IMPG2: variants seen among roughly 807,000 people sequenced by gnomAD.
IMPG2 encodes the protein IPM 200.
In IMPG2, 91 loss-of-function variants were observed where a neutral mutation model predicts 129.2. That is an observed-to-expected ratio of 0.70 (90% CI 0.59 to 0.84). IMPG2 has a LOEUF of 0.84. Among genes scored for constraint, IMPG2 ranks in the 40% least tolerant of loss-of-function variants. IMPG2 has a pLI of 0.00. For missense variants in IMPG2, 1,430 were observed against 1,461.7 expected, an observed-to-expected ratio of 0.98 and a Z score of 0.35; for synonymous variants, 510 against 517.7, an observed-to-expected ratio of 0.99 and a Z score of 0.20.
At chr3:101,275,528 G>A in intron 6 of IMPG2, 135 bp downstream of exon 6, 1 of 708,828 alleles carries the variant, frequency 1.4e-6, no homozygotes, top group Non-Finnish European at 2.5e-6. Flanking sequence ...TTAATGTACT[G>A]GTTTTAGGAT....
At chr3:101,286,274 T>C (rs1706945064) in intron 4 of IMPG2, among the ~76,000 whole-genome samples, 1 of 152,184 alleles carries the variant, frequency 6.6e-6, no homozygotes, top group South Asian at 2.1e-4. Context: ...TTGAGTATGG[T>C]TATTCTAAAA....
chr3:101,306,089 T>C (rs1324996123), intron 2 of IMPG2, among the ~76,000 whole-genome samples: 1 of 152,220 alleles, frequency 6.6e-6, no homozygotes, highest in Admixed American at 6.5e-5. Context: ...AGTATACTAG[T>C]TTGATACCAT....
At chr3:101,242,607 C>A (rs1706421105) in intron 14 of IMPG2, 81 bp downstream of exon 14, 3 of 1,046,204 alleles carry the variant, frequency 2.9e-6, no homozygotes, top group Non-Finnish European at 1.5e-6. Context: ...ATTGGATTCA[C>A]CTTAATGCAA....
In IMPG2 at chr3:101,273,873, T is replaced by C. The variant is rs941249408; in HGVS notation, c.667-131A>G. ...GAAGATAATCTTATTATTTCGTATT[T>C]GACTTTGGAACAAATTGGGTAGACT... On this transcript the variant is annotated intron_variant, in intron 6 of 18. Coordinates refer to ENST00000193391, the MANE Select transcript of IMPG2 (RefSeq NM_016247.4). 3.2e-6 allele frequency: 3 copies of C among 935,984 alleles called. No homozygotes were observed. In the African/African-American group the frequency reaches 4.9e-5, roughly 15 times the overall value. The allele number at this position is 935,984 out of a possible 1,614,324, so 58.0% of individuals were successfully genotyped here.
intron 6 of IMPG2, among the ~76,000 whole-genome samples, chr3:101,275,402 G>A (rs916529614): frequency 6.6e-6 from 1 of 152,194 alleles, no homozygotes; most frequent in African/African-American, 2.4e-5. Flanking sequence ...GAGGCCACAA[G>A]AGGCAGTGGG....
chr3:101,305,907 G>A (rs2107138512), intron 2 of IMPG2, among the ~76,000 whole-genome samples: 1 of 152,240 alleles, frequency 6.6e-6, no homozygotes, highest in Admixed American at 6.5e-5. Context: ...AGATACATCA[G>A]GATGGAAGGG....
intron 9 of IMPG2, among the ~76,000 whole-genome samples, chr3:101,263,334 T>G (rs150357257): frequency 6.6e-6 from 1 of 152,060 alleles, no homozygotes; most frequent in East Asian, 1.9e-4. Flanking sequence ...AAAAAATTTT[T>G]TTATCAAAAT....
At chr3:101,268,654 A>G (rs1041672413) in intron 8 of IMPG2, among the ~76,000 whole-genome samples, 1 of 152,148 alleles carries the variant, frequency 6.6e-6, no homozygotes, top group African/African-American at 2.4e-5. Flanking sequence ...CACACTGTAA[A>G]TGCTATATAA....
At chr3:101,289,532 A>G (rs1706983161) in intron 4 of IMPG2, among the ~76,000 whole-genome samples, 1 of 152,198 alleles carries the variant, frequency 6.6e-6, no homozygotes, top group African/African-American at 2.4e-5. Flanking sequence ...TAGTCAGGCA[A>G]CAAATATGGA....
At chr3:101,256,197 G>GAAAGAAAGAA (rs1706604384) in intron 10 of IMPG2, among the ~76,000 whole-genome samples, 1 of 148,614 alleles carries the variant, frequency 6.7e-6, no homozygotes, top group Admixed American at 6.7e-5. Context: ...AAGAAAGAAA[G>GAAAGAAAGAA]AAAGAAAGAA....
At chr3:101,311,259 G>A (rs1707261725) in intron 2 of IMPG2, among the ~76,000 whole-genome samples, 1 of 151,684 alleles carries the variant, frequency 6.6e-6, no homozygotes, top group South Asian at 2.1e-4. Context: ...AGCCAAATTG[G>A]AAAAGATGTA....
chr3:101,266,882 C>T (rs1234116437), intron 9 of IMPG2, among the ~76,000 whole-genome samples: 1 of 152,148 alleles, frequency 6.6e-6, no homozygotes, highest in Non-Finnish European at 1.5e-5. Context: ...CCACTGCTAG[C>T]TTTGGAAATA....
At chr3:101,234,721 T>C (rs1368856832) in intron 14 of IMPG2, among the ~76,000 whole-genome samples, 8 of 152,160 alleles carry the variant, frequency 5.3e-5, no homozygotes, top group East Asian at 1.9e-4. Flanking sequence ...GGAGTGTCTA[T>C]AGGGGTGAGG....
Position 101,228,815 on chromosome 3 carries a change from A to G in IMPG2, c.3695T>C (p.Phe1232Ser). 6.2e-7 allele frequency: 1 copy of G among 1,613,976 alleles called. No homozygotes were observed. ...LYANDPEFAAFVREQQVEEV is the reference protein window; with the variant it reads ...LYANDPEFAASVREQQVEEV Reference sequence around the variant, plus strand: ...AGCTTACACTTGTTGCTCTCTCACAAAAGCTGCAAACTCAGGATCATTGGC... The same window carrying G: ...AGCTTACACTTGTTGCTCTCTCACAGAAGCTGCAAACTCAGGATCATTGGC... Residue 1232 changes from phenylalanine (F) to serine (S), a missense_variant, in exon 18 of 19, where the codon TTT (phenylalanine) becomes TCT (serine). Transcript: ENST00000193391.
intron 14 of IMPG2, among the ~76,000 whole-genome samples, chr3:101,235,768 T>A (rs1706339133): frequency 6.6e-6 from 1 of 152,078 alleles, no homozygotes; most frequent in Admixed American, 6.6e-5. Flanking sequence ...GAGACAGGGA[T>A]CTAAATGGTG....
intron 6 of IMPG2, among the ~76,000 whole-genome samples, chr3:101,274,889 C>A (rs1363131068): frequency 6.6e-6 from 1 of 152,086 alleles, no homozygotes; most frequent in East Asian, 1.9e-4. Context: ...ATTCGGGTAT[C>A]CACTCTAGGG....
chr3:101,232,774 A>G lies in IMPG2; in HGVS notation c.3233+7T>C, dbSNP rs766402156. The G allele has an allele frequency of 1.9e-6, 3 of 1,612,702 alleles. No homozygotes were observed. The highest frequency in any genetic ancestry group is 2.2e-5 in the South Asian group (2 of 91,036). On this transcript the variant is annotated splice_region_variant and intron_variant, in intron 15 of 18. Transcript: ENST00000193391. ...CTCTAAAGTCAAAATCTGTAACTAC[A>G]ACATACCTACAAATGGCCCCGTGCC...
At chr3:101,247,077 T>C (rs952500272) in intron 11 of IMPG2, among the ~76,000 whole-genome samples, 1 of 149,130 alleles carries the variant, frequency 6.7e-6, no homozygotes, top group East Asian at 2.0e-4. Context: ...GCCTGGGCTA[T>C]AGAGCAAGAC....
At chr3:101,277,495 T>A (rs551117507) in intron 4 of IMPG2, among the ~76,000 whole-genome samples, 1 of 152,316 alleles carries the variant, frequency 6.6e-6, no homozygotes, top group East Asian at 1.9e-4. Flanking sequence ...ATGAGACAAG[T>A]AGTACAGACA....
Sources: allele counts gnomAD v4.1 joint callset (sites outside exome capture counted in the v4.1 genomes callset), GRCh38; gene constraint gnomAD v4.1.1; transcripts MANE v1.5; gene names NCBI Gene and HGNC (gene_info 2026-07-23, HGNC 2026-07-21).